Variants in PTPRT observed in about 807,000 individuals in gnomAD.
PTPRT encodes the protein receptor-type tyrosine-protein phosphatase T.
Under a neutral mutation model 176.8 loss-of-function variants are expected in PTPRT, and 56 were observed. The ratio of observed to expected loss-of-function variants is 0.32; its 90% confidence interval spans 0.26 to 0.40. The LOEUF (loss-of-function observed/expected upper bound fraction) is 0.40, where lower values mean the gene tolerates loss of function less well. Among genes scored for constraint, PTPRT ranks in the 10% least tolerant of loss-of-function variants. The pLI, the probability that PTPRT is intolerant of heterozygous loss-of-function variation, is 1.00. For synonymous variants in PTPRT, 783 were observed against 739.0 expected (o/e 1.06, Z -0.96); for missense variants, 1,540 against 1,908.2 (o/e 0.81, Z 3.60).
intron 2 of PTPRT, among the ~76,000 whole-genome samples, chr20:42,855,224 A>G (rs550805408): frequency 6.6e-6 from 1 of 152,262 alleles, no homozygotes; most frequent in African/African-American, 2.4e-5. Flanking sequence ...TAGTGGAAAG[A>G]ATGCCAGGTA....
Position 42,610,371 on chromosome 20 carries a change from C to T in PTPRT, c.1153+67495G>A, listed in dbSNP as rs570977684. 5.2e-4 allele frequency among the ~76,000 whole-genome samples: 73 copies of T among 140,138 alleles called. 1 individual carries two copies. The highest frequency in any genetic ancestry group is 2.1e-3 in the African/African-American group (69 of 32,778). 91.9% of individuals were successfully genotyped at this position (140,138 alleles called of 152,430 possible). A position where few individuals can be genotyped will look rare whatever the true frequency, so the allele number is the denominator to read the frequency against. ...ATAAATATGTAGATCTGCGGGTTTA[C>T]TTGTTTTGTTTTTTTTTTTTGTTTT... On this transcript the variant is annotated intron_variant, in intron 7 of 30. Transcript: ENST00000373187.
chr20:43,165,195 G>C (rs113435115), intron 1 of PTPRT, among the ~76,000 whole-genome samples: 12,250 of 142,268 alleles, frequency 0.086, 1,057 homozygotes, highest in African/African-American at 0.23. Flanking sequence ...TTTTGCTCTT[G>C]TCACCCAGGC....
chr20:42,731,031 C>T (rs1367087458), intron 6 of PTPRT, among the ~76,000 whole-genome samples: 1 of 152,176 alleles, frequency 6.6e-6, no homozygotes, highest in Non-Finnish European at 1.5e-5. Context: ...ACCTAAGATA[C>T]TCCCTGTACC....
At chr20:42,971,330 AAATCATAT>A (rs2146063808) in intron 1 of PTPRT, 1 of 152,336 alleles carries the variant, frequency 6.6e-6, no homozygotes, top group South Asian at 2.1e-4. Context: ...AAGTTTCCCC[AAATCATAT>A]ACCTGAGAAA....
intron 7 of PTPRT, among the ~76,000 whole-genome samples, chr20:42,580,451 G>A (rs1458184836): frequency 6.6e-6 from 1 of 152,144 alleles, no homozygotes; most frequent in Non-Finnish European, 1.5e-5. Flanking sequence ...AAAGTCATTG[G>A]TAGCTTGATG....
chr20:42,962,520 T>A (rs1057474469), intron 1 of PTPRT, among the ~76,000 whole-genome samples: 4 of 152,110 alleles, frequency 2.6e-5, no homozygotes, highest in Non-Finnish European at 5.9e-5. Context: ...CTGAATAACA[T>A]TTTTCCAAGC....
At chr20:42,695,653 T>C (rs2075863174) in intron 6 of PTPRT, among the ~76,000 whole-genome samples, 1 of 152,204 alleles carries the variant, frequency 6.6e-6, no homozygotes, top group African/African-American at 2.4e-5. Context: ...AACACAGCAC[T>C]GTCCTTCAGA....
intron 6 of PTPRT, among the ~76,000 whole-genome samples, chr20:42,726,327 C>T (rs1248344246): frequency 6.6e-6 from 1 of 152,110 alleles, no homozygotes; most frequent in East Asian, 1.9e-4. Flanking sequence ...GATCTGCCTG[C>T]CTTGGCCTCC....
intron 9 of PTPRT, among the ~76,000 whole-genome samples, chr20:42,432,730 C>T (rs1307859070): frequency 1.3e-5 from 2 of 152,178 alleles, no homozygotes; most frequent in Non-Finnish European, 2.9e-5. Context: ...AAGTTTTAGA[C>T]AGAGCCTTAC....
At chr20:42,365,922 A>G (rs912460163) in intron 9 of PTPRT, among the ~76,000 whole-genome samples, 3 of 152,160 alleles carry the variant, frequency 2.0e-5, no homozygotes, top group East Asian at 1.9e-4. Flanking sequence ...CTAATATTGG[A>G]GTTGCATTGC....
At position 43,061,038 on chromosome 20, in the gene PTPRT, A is replaced by T. The variant is rs992806299; in HGVS notation, c.88+128608T>A. 1.4e-4 allele frequency among the ~76,000 whole-genome samples: 21 copies of T among 152,236 alleles called. 1 individual carries two copies. The East Asian group carries it at 2.7e-3, about 20-fold the overall frequency. On this transcript the variant is annotated intron_variant, in intron 1 of 30. Coordinates refer to ENST00000373187, the MANE Select transcript of PTPRT (RefSeq NM_007050.6). ...TAGATATCTAGATAGCCAGATCTGT[A>T]GGTAGGTGGGTAAGTAGGAGGGTGG...
chr20:42,043,096 C>T, the PTPRT span, among the ~76,000 whole-genome samples: 2 of 152,210 alleles, frequency 1.3e-5, no homozygotes, highest in South Asian at 2.1e-4. Flanking sequence ...CAAATCCAGG[C>T]ACTAGATAAT....
At chr20:42,646,882 C>CTTTTTTTTTTTTTTTTTTTTTT (rs1161994908) in intron 7 of PTPRT, among the ~76,000 whole-genome samples, 2 of 76,282 alleles carry the variant, frequency 2.6e-5, no homozygotes, top group African/African-American at 7.5e-5. Flanking sequence ...CTAAGACAGC[C>CTTTTTTTTTTTTTTTTTTTTTT]TTTTTTTTTT....
intron 26 of PTPRT, among the ~76,000 whole-genome samples, chr20:42,099,093 T>G (rs1336337524): frequency 6.6e-6 from 1 of 152,244 alleles, no homozygotes; most frequent in Non-Finnish European, 1.5e-5. Flanking sequence ...GCATTATTAA[T>G]AGTCCGGTAG....
intron 1 of PTPRT, among the ~76,000 whole-genome samples, chr20:43,031,151 C>A (rs1013615520): frequency 6.6e-6 from 1 of 152,118 alleles, no homozygotes; most frequent in Non-Finnish European, 1.5e-5. Flanking sequence ...ATATGGGTTA[C>A]CCCCAGGAAA....
intron 14 of PTPRT, 93 bp downstream of exon 14, chr20:42,248,594 G>A (rs2056495692): frequency 6.8e-7 from 1 of 1,463,162 alleles, no homozygotes; most frequent in Non-Finnish European, 9.4e-7. Context: ...GATCCCTGCT[G>A]GACAATGATC....
chr20:42,353,947 C>G (rs1238705677), intron 9 of PTPRT, among the ~76,000 whole-genome samples: 1 of 151,982 alleles, frequency 6.6e-6, no homozygotes, highest in African/African-American at 2.4e-5. Flanking sequence ...CCCAGCTATT[C>G]AGGGGCTGAG....
intron 1 of PTPRT, among the ~76,000 whole-genome samples, chr20:42,962,991 G>A (rs1982082211): frequency 6.6e-6 from 1 of 152,120 alleles, no homozygotes; most frequent in Non-Finnish European, 1.5e-5. Context: ...GAGGTCAGAA[G>A]ATCGAGACCA....
intron 6 of PTPRT, among the ~76,000 whole-genome samples, chr20:42,740,788 A>T (rs1266383460): frequency 6.6e-6 from 1 of 152,130 alleles, no homozygotes; most frequent in Non-Finnish European, 1.5e-5. Flanking sequence ...AAGGAGAGAG[A>T]GGGGAGGAGC....
Sources: allele counts gnomAD v4.1 joint callset (sites outside exome capture counted in the v4.1 genomes callset), GRCh38; gene constraint gnomAD v4.1.1; transcripts MANE v1.5; gene names NCBI Gene and HGNC (gene_info 2026-07-23, HGNC 2026-07-21).